Variants in CDK18 observed in about 807,000 individuals in gnomAD.
The protein encoded by CDK18 is cyclin-dependent kinase 18.
Under a neutral mutation model 62.0 loss-of-function variants are expected in CDK18, and 52 were observed. The ratio of observed to expected loss-of-function variants is 0.84; its 90% CI spans 0.67 to 1.06. The LOEUF (loss-of-function observed/expected upper bound fraction) is 1.06. CDK18 is among the 50% of genes least tolerant of loss of function. The pLI is 0.00. For missense variants in CDK18, 604 were observed against 619.9 expected, an observed-to-expected ratio of 0.97 and a Z score of 0.27; for synonymous variants, 237 against 247.0, an observed-to-expected ratio of 0.96 and a Z score of 0.38.
At chr1:205,525,996 T>TG in intron 5 of CDK18, 69 bp from the exon 6 acceptor site, 1 of 1,116,470 alleles carries the variant, frequency 9.0e-7, no homozygotes, top group East Asian at 2.6e-5. Flanking sequence ...GAGGCACAAA[T>TG]GGGGAGGCAC....
rs113479755 is a variant in CDK18 at position 205,531,273 on chromosome 1, G to A, written c.1391-71G>A. 2.9e-3 allele frequency: 4,183 copies of A among 1,418,390 alleles called. 91 individuals are homozygous for A. The African/African-American group carries it at 0.052, about 18-fold the overall frequency. 87.9% of individuals were successfully genotyped at this position (1,418,390 alleles called of 1,614,324 possible). ...AGAGCAGCTCTGGGGGACAGCGACT[G>A]TCCCTGCTGACCTGGGGTACCCGTC... On this transcript the variant is annotated intron_variant, in intron 15 of 15. Coordinates refer to ENST00000429964, the MANE Select transcript of CDK18 (RefSeq NM_212502.3).
At chr1:205,519,472 G>A (rs555398775) in intron 1 of CDK18, among the ~76,000 whole-genome samples, 57 of 151,622 alleles carry the variant, frequency 3.8e-4, no homozygotes, top group African/African-American at 1.4e-3. Flanking sequence ...CTTCCATCAG[G>A]AAGTCCATCC....
intron 1 of CDK18, among the ~76,000 whole-genome samples, chr1:205,518,967 G>A (rs1165026305): frequency 2.6e-5 from 4 of 152,122 alleles, no homozygotes; most frequent in African/African-American, 9.7e-5. Context: ...CTCCTCAGTG[G>A]GACTCTGCTC....
chr1:205,529,201 C>T, intron 11 of CDK18, 105 bp downstream of exon 11: 1 of 1,347,374 alleles, frequency 7.4e-7, no homozygotes, highest in South Asian at 1.3e-5. Flanking sequence ...CGCCTCTCTC[C>T]CGGGCGGGGA....
At position 205,527,852 on chromosome 1, in the gene CDK18, A is replaced by G; in HGVS notation, c.788A>G (p.His263Arg). The change falls in exon 9 of 16, where the codon CAC becomes CGC. Residue 263 changes from histidine (H) to arginine (R), a missense_variant. Physicochemically the swap from His to Arg is conservative, Grantham distance 29. Transcript: ENST00000429964. The surrounding 1 kb of genome is among the most constrained non-coding windows in gnomAD (Gnocchi z 4.1). ...TACTGTCACCACCGCAAGATCCTGC[A>G]CCGGGACCTGAAGCCCCAGAACCTG... ...LAYCHHRKILHRDLKPQNLLI... is the reference protein window; with the variant it reads ...LAYCHHRKILRRDLKPQNLLI... The G allele has an allele frequency of 6.2e-7, 1 of 1,614,056 alleles. No individual in the cohort carries two copies. The highest frequency in any genetic ancestry group is 8.5e-7 in the Non-Finnish European group (1 of 1,179,988).
chr1:205,530,090 A>G, intron 13 of CDK18, 169 bp from the exon 14 acceptor site: 1 of 1,439,476 alleles, frequency 6.9e-7, no homozygotes, highest in African/African-American at 1.4e-5. Context: ...CTGAGTCTTG[A>G]GATGGCCTGA....
At position 205,529,635 on chromosome 1, in the gene CDK18, T is replaced by C. The variant is rs113063088; in HGVS notation, c.1221+72T>C. On this transcript the variant is annotated intron_variant, in intron 13 of 15. Transcript: ENST00000429964. ...AGGTCCCTGTGCCCCATGCCGGGCC[T>C]ACGCCCCAACTTCTGTGGCTCGTGT... 1.4e-3 allele frequency: 2,223 copies of C among 1,610,862 alleles called. 3 individuals carry two copies. Among genetic ancestry groups the C allele is most frequent in the South Asian group, 2.0e-3 (179 of 90,618 alleles).
chr1:205,525,232 G>C, intron 5 of CDK18, 37 bp downstream of exon 5: 1 of 1,532,562 alleles, frequency 6.5e-7, no homozygotes, highest in Non-Finnish European at 9.0e-7. Flanking sequence ...GAATAGCCAG[G>C]CAGGATGGCT....
rs1026422016 is a variant in CDK18, at chr1:205,522,553, C to G, written c.-21-594C>G. 5.9e-5 allele frequency: 9 copies of G among 152,260 alleles called. No homozygotes were observed. In the East Asian group the frequency reaches 1.3e-3, roughly 23 times the overall value. 9.4% of individuals were successfully genotyped at this position (152,260 alleles called of 1,614,324 possible). ...CTCCTGGGGCATGCCAGAGCAGAGA[C>G]CTTCAGGTGTCAGTATCAGAGGTGA... On this transcript the variant is annotated intron_variant, in intron 1 of 15. Coordinates refer to ENST00000429964, the MANE Select transcript of CDK18 (RefSeq NM_212502.3).
Position 205,531,482 on chromosome 1 carries a change from T to C in CDK18, c.*104T>C. On this transcript the variant is annotated 3_prime_UTR_variant, in exon 16 of 16. Coordinates refer to ENST00000429964, the MANE Select transcript of CDK18 (RefSeq NM_212502.3). ...CCTCGGAGGACTGAAGAACGAGGGCTGACAGCCAGCCTGGAAGACCGCTTG... is the reference window on the plus strand; with the variant it reads ...CCTCGGAGGACTGAAGAACGAGGGCCGACAGCCAGCCTGGAAGACCGCTTG... 2.7e-6 allele frequency: 3 copies of C among 1,094,408 alleles called. No individual in the cohort carries two copies. Among genetic ancestry groups the C allele is most frequent in the Admixed American group, 3.5e-5 (2 of 56,466 alleles). 67.8% of individuals were successfully genotyped at this position (1,094,408 alleles called of 1,614,324 possible). A position where few individuals can be genotyped will look rare whatever the true frequency, so the allele number is the denominator to read the frequency against.
At chr1:205,524,882 C>T (rs56158239) in intron 4 of CDK18, among the ~76,000 whole-genome samples, 12,527 of 152,212 alleles carry the variant, frequency 0.082, 599 homozygotes, top group South Asian at 0.2. Context: ...TGGTCTCAGT[C>T]GGAGACACAG....
At chr1:205,526,955 G>A (rs531221690) in intron 8 of CDK18, 118 bp downstream of exon 8, 8 of 787,790 alleles carry the variant, frequency 1.0e-5, no homozygotes, top group South Asian at 3.0e-5. Context: ...ACCTTCCCAC[G>A]TAGGAAAGAG....
chr1:205,522,124 C>A (rs61822295), intron 1 of CDK18, among the ~76,000 whole-genome samples: 19,918 of 152,086 alleles, frequency 0.13, 1,558 homozygotes, highest in African/African-American at 0.2. Flanking sequence ...GTTTTCAGGG[C>A]AGGAGGGAGA....
chr1:205,523,179 C>T lies in CDK18; in HGVS notation c.12C>T (p.Asn4=), dbSNP rs567560605. 6.2e-7 allele frequency: 1 copy of T among 1,611,250 alleles called. No homozygotes were observed. The highest frequency in any genetic ancestry group is 8.5e-7 in the Non-Finnish European group (1 of 1,178,306). The stretch of plus-strand genomic sequence containing the variant: ...CTGCCCAGTCCCTCATGATCATGAA[C>T]AAGATGAAGAACTTTAAGCGCCGTT... MIM[N]KMKNFKRRFS... is the part of the protein sequence containing the mutation. The change falls in exon 2 of 16, where the codon AAC becomes AAT. Residue 4 remains asparagine, a synonymous_variant. Transcript: ENST00000429964.
chr1:205,523,984 G>A (rs1575068573), intron 3 of CDK18, among the ~76,000 whole-genome samples: 1 of 152,246 alleles, frequency 6.6e-6, no homozygotes, highest in African/African-American at 2.4e-5. Flanking sequence ...CACAGATGGT[G>A]ATACTGTGGC....
At chr1:205,531,253 A>C (rs1668721069) in intron 15 of CDK18, 91 bp from the exon 16 acceptor site, 19 of 1,190,720 alleles carry the variant, frequency 1.6e-5, no homozygotes, top group Non-Finnish European at 2.3e-5. Flanking sequence ...CTGTCAGAGC[A>C]GCTCTGGGGG....
chr1:205,510,754 C>T (rs1667531093), intron 1 of CDK18, among the ~76,000 whole-genome samples: 1 of 152,262 alleles, frequency 6.6e-6, no homozygotes, highest in African/African-American at 2.4e-5. Flanking sequence ...CTTTCTGAGT[C>T]TTGCCTTCTT....
intron 1 of CDK18, among the ~76,000 whole-genome samples, chr1:205,513,838 G>C (rs192270713): frequency 2.6e-4 from 40 of 152,304 alleles, no homozygotes; most frequent in East Asian, 2.1e-3. Context: ...GTAGGATGGT[G>C]CCTCCAGCCC....
At chr1:205,506,622 A>G (rs1376165562) in intron 1 of CDK18, among the ~76,000 whole-genome samples, 2 of 152,184 alleles carry the variant, frequency 1.3e-5, no homozygotes, top group East Asian at 1.9e-4. Flanking sequence ...TGAGAGACCA[A>G]CTTTTCCAAG....
Sources: allele counts gnomAD v4.1 joint callset (sites outside exome capture counted in the v4.1 genomes callset), GRCh38; gene constraint gnomAD v4.1.1; non-coding constraint Gnocchi (gnomAD v3.1); transcripts MANE v1.5; gene names NCBI Gene and HGNC (gene_info 2026-07-23, HGNC 2026-07-21).